Variants in MCTP2 observed in about 807,000 individuals in gnomAD.
MCTP2 encodes the protein multiple C2 and transmembrane domain containing 2.
Under a neutral mutation model 111.6 loss-of-function variants are expected in MCTP2, and 132 were observed. The observed-to-expected ratio is 1.18, with a 90% CI of 1.03 to 1.37. The LOEUF is 1.37. Ranked by LOEUF, MCTP2 falls within the 40% of genes most tolerant of loss-of-function variation. The probability of loss-of-function intolerance (pLI) is 0.00; values close to 1 mark genes in which losing one functional copy is unlikely to be tolerated. For missense variants in MCTP2, 1,183 were observed against 1,067.9 expected, an observed-to-expected ratio of 1.11 and a Z score of -1.50; for synonymous variants, 395 against 387.7, an observed-to-expected ratio of 1.02 and a Z score of -0.22.
chr15:94,404,326 G>C lies in MCTP2; in HGVS notation c.2085+2307G>C, dbSNP rs1218813829. Reference sequence around the variant, plus strand: ...ATTGTTTTTTTTTTTTTTTGTGACAGAGTCTGACTCTGTCACCCAGGCTGG... The same window carrying C: ...ATTGTTTTTTTTTTTTTTTGTGACACAGTCTGACTCTGTCACCCAGGCTGG... On this transcript the variant is annotated intron_variant, in intron 17 of 22. Coordinates refer to ENST00000357742, the MANE Select transcript of MCTP2 (RefSeq NM_001385001.1). Among the ~76,000 whole-genome samples, 3 of 136,088 alleles carry C rather than the reference G, an allele frequency of 2.2e-5. No individual in the cohort carries two copies. The Admixed American group carries it at 2.4e-4, about 11-fold the overall frequency. The allele number at this position is 136,088 out of a possible 152,430, so 89.3% of individuals were successfully genotyped here.
chr15:94,442,736 A>ATTGT, intron 18 of MCTP2, among the ~76,000 whole-genome samples, 183 bp from the exon 19 acceptor site: 1 of 152,334 alleles, frequency 6.6e-6, no homozygotes, highest in African/African-American at 2.4e-5. Context: ...GATTATGCAT[A>ATTGT]TTGTTTAGAG....
intron 7 of MCTP2, chr15:94,343,999 A>G (rs1451396630): frequency 1.3e-5 from 2 of 152,138 alleles, no homozygotes; most frequent in Non-Finnish European, 2.9e-5. Flanking sequence ...TGTGTACCTA[A>G]AAGATGGTAA....
intron 1 of MCTP2, among the ~76,000 whole-genome samples, chr15:94,273,080 A>G (rs1213222556): frequency 6.6e-6 from 1 of 152,222 alleles, no homozygotes; most frequent in African/African-American, 2.4e-5. Flanking sequence ...ACTCTCTAGT[A>G]GGGCTGGACT....
In MCTP2 at chr15:94,281,854, A is replaced by AT. The variant is rs369090006; in HGVS notation, c.-65-16338dup. Among the ~76,000 whole-genome samples the AT allele has an allele frequency of 4.8e-3, 722 of 151,100 alleles. 6 individuals are homozygous for AT. Among genetic ancestry groups the AT allele is most frequent in the African/African-American group, 0.015 (614 of 41,174 alleles). On this transcript the variant is annotated intron_variant, in intron 1 of 22. Coordinates refer to ENST00000357742, the MANE Select transcript of MCTP2 (RefSeq NM_001385001.1). ...GGATATGACATTCTTGGTTGGAATT[A>AT]TTTTTTTTTCATATACTGAATATAG...
chr15:94,474,929 GC>G (rs1404181906), intron 21 of MCTP2, among the ~76,000 whole-genome samples: 1 of 151,724 alleles, frequency 6.6e-6, no homozygotes, highest in Non-Finnish European at 1.5e-5. Flanking sequence ...GTGCATTTGA[GC>G]TACTGTGCAG....
chr15:94,454,844 G>A (rs1022983691), intron 19 of MCTP2, among the ~76,000 whole-genome samples: 32 of 152,166 alleles, frequency 2.1e-4, no homozygotes, highest in African/African-American at 7.5e-4. Flanking sequence ...ATTATTAGGT[G>A]GAGTCTCGCT....
chr15:94,405,349 T>C (rs2081847443), intron 17 of MCTP2, among the ~76,000 whole-genome samples: 1 of 152,246 alleles, frequency 6.6e-6, no homozygotes, highest in Admixed American at 6.5e-5. Flanking sequence ...ATTCTCAATG[T>C]CAATTTTAAG....
chr15:94,382,845 CCT>C (rs1376405287), intron 12 of MCTP2, among the ~76,000 whole-genome samples: 1 of 152,258 alleles, frequency 6.6e-6, no homozygotes. Flanking sequence ...GCGTTAATGT[CCT>C]ACGGACATTA....
At chr15:94,347,581 A>G (rs532363460) in intron 8 of MCTP2, among the ~76,000 whole-genome samples, 153 of 152,106 alleles carry the variant, frequency 1.0e-3, no homozygotes, top group Non-Finnish European at 1.9e-3. Context: ...AAATACAATG[A>G]GATTGCCTTT....
chr15:94,417,266 A>G (rs914215540), intron 17 of MCTP2, among the ~76,000 whole-genome samples: 2 of 152,122 alleles, frequency 1.3e-5, no homozygotes, highest in East Asian at 3.8e-4. Flanking sequence ...CATAGCTAAG[A>G]AAGACTTTAT....
chr15:94,291,648 G>A (rs28716778), intron 1 of MCTP2, among the ~76,000 whole-genome samples: 1 of 151,758 alleles, frequency 6.6e-6, no homozygotes, highest in Non-Finnish European at 1.5e-5. Context: ...TTTTACATAA[G>A]ACATGACCCA....
At chr15:94,330,835 A>G (rs1453007295) in intron 4 of MCTP2, among the ~76,000 whole-genome samples, 1 of 143,716 alleles carries the variant, frequency 7.0e-6, no homozygotes. Context: ...CCCAGGCTCA[A>G]GCAGTCCCCC....
rs960104590 is a variant in MCTP2 at position 94,308,872 on chromosome 15, G to T, written c.466-5410G>T. Among the ~76,000 whole-genome samples, 6 of 152,216 alleles carry T rather than the reference G, an allele frequency of 3.9e-5. No homozygotes were observed. The South Asian group carries it at 1.0e-3, about 26-fold the overall frequency. On this transcript the variant is annotated intron_variant, in intron 2 of 22. Coordinates refer to ENST00000357742, the MANE Select transcript of MCTP2 (RefSeq NM_001385001.1). The stretch of plus-strand genomic sequence containing the variant: ...TAAAAGCAAGCGGCGGGCTGGATTT[G>T]TCTCATGGGATGTAATTTACTGACT...
intron 17 of MCTP2, among the ~76,000 whole-genome samples, chr15:94,431,548 T>C (rs2083184315): frequency 6.6e-6 from 1 of 152,212 alleles, no homozygotes; most frequent in African/African-American, 2.4e-5. Context: ...TGTTTTGCTT[T>C]GGTATAGTGA....
chr15:94,419,223 A>G (rs2082511434), intron 17 of MCTP2, among the ~76,000 whole-genome samples: 1 of 152,178 alleles, frequency 6.6e-6, no homozygotes, highest in Admixed American at 6.6e-5. Flanking sequence ...TAAGAGCCAG[A>G]CACCAAGTCT....
At chr15:94,311,996 A>G (rs1435695864) in intron 2 of MCTP2, among the ~76,000 whole-genome samples, 1 of 152,198 alleles carries the variant, frequency 6.6e-6, no homozygotes, top group Admixed American at 6.5e-5. Flanking sequence ...TAATGACATA[A>G]CACTTTAATC....
At chr15:94,276,000 C>T (rs1427333539) in intron 1 of MCTP2, among the ~76,000 whole-genome samples, 2 of 152,044 alleles carry the variant, frequency 1.3e-5, no homozygotes, top group South Asian at 2.1e-4. Context: ...CACTTGCCAC[C>T]ATGCCCAGCT....
chr15:94,328,801 C>T (rs1182286470), intron 4 of MCTP2, among the ~76,000 whole-genome samples: 5 of 152,166 alleles, frequency 3.3e-5, no homozygotes, highest in Admixed American at 1.3e-4. Context: ...GTTTTTGCTG[C>T]ATGCTGTCTG....
At chr15:94,385,108 C>G (rs1028133391) in intron 13 of MCTP2, among the ~76,000 whole-genome samples, 1 of 152,198 alleles carries the variant, frequency 6.6e-6, no homozygotes, top group Non-Finnish European at 1.5e-5. Flanking sequence ...TGGTTGGACA[C>G]TCTGCTAATG....
Sources: allele counts gnomAD v4.1 joint callset (sites outside exome capture counted in the v4.1 genomes callset), GRCh38; gene constraint gnomAD v4.1.1; transcripts MANE v1.5; gene names NCBI Gene and HGNC (gene_info 2026-07-23, HGNC 2026-07-21).